Variants in CDH8 observed in about 807,000 individuals in gnomAD.
The protein encoded by CDH8 is cadherin-8.
CDH8 carries 17 observed loss-of-function variants against 68.1 expected under a neutral mutation model. The observed-to-expected ratio is 0.25, with a 90% CI of 0.17 to 0.37. The LOEUF is 0.37. Ranked by LOEUF, CDH8 falls within the 10% of genes least tolerant of loss-of-function variation. The pLI is 1.00. For synonymous variants in CDH8, 372 were observed against 365.1 expected (o/e 1.02, Z -0.21); for missense variants, 763 against 999.3 (o/e 0.76, Z 3.19).
chr16:61,836,988 G>A (rs1190200405), intron 4 of CDH8, among the ~76,000 whole-genome samples: 1 of 151,920 alleles, frequency 6.6e-6, no homozygotes, highest in African/African-American at 2.4e-5. Context: ...TTCCTTTCAA[G>A]CCAATACCCT....
At chr16:61,926,424 T>A (rs1440018889) in intron 2 of CDH8, among the ~76,000 whole-genome samples, 1 of 152,200 alleles carries the variant, frequency 6.6e-6, no homozygotes, top group African/African-American at 2.4e-5. Flanking sequence ...CAGTTTTTCT[T>A]CCTGTCTTTG....
intron 2 of CDH8, among the ~76,000 whole-genome samples, chr16:62,006,188 G>T (rs562847104): frequency 3.9e-5 from 6 of 152,180 alleles, no homozygotes; most frequent in African/African-American, 1.4e-4. Context: ...TGGCCTTCTG[G>T]GTTATTGGGA....
chr16:61,808,170 A>C (rs1961841579), intron 7 of CDH8, among the ~76,000 whole-genome samples: 1 of 152,184 alleles, frequency 6.6e-6, no homozygotes, highest in African/African-American at 2.4e-5. Context: ...ATCTATTCTA[A>C]GTCAGTTTCT....
intron 10 of CDH8, among the ~76,000 whole-genome samples, chr16:61,704,417 T>A (rs569152482): frequency 6.1e-4 from 93 of 152,316 alleles, no homozygotes; most frequent in African/African-American, 2.1e-3. Context: ...CCAAAGATAC[T>A]GAGAAAGAAA....
intron 10 of CDH8, chr16:61,693,842 T>C (rs1439230991): frequency 1.3e-5 from 2 of 152,162 alleles, no homozygotes; most frequent in Non-Finnish European, 2.9e-5. Context: ...CTACTATATA[T>C]GGACCAACTT....
chr16:61,954,700 CA>C (rs35839753), intron 2 of CDH8, among the ~76,000 whole-genome samples: 8,035 of 68,168 alleles, frequency 0.12, 164 homozygotes, highest in Admixed American at 0.17. Context: ...GACTCCATCT[CA>C]AAAAAAAAAA....
At chr16:61,745,203 CTTT>C (rs1324144092) in intron 8 of CDH8, among the ~76,000 whole-genome samples, 1 of 151,130 alleles carries the variant, frequency 6.6e-6, no homozygotes, top group Non-Finnish European at 1.5e-5. Flanking sequence ...AAATGACATT[CTTT>C]GTCTCTGCCT....
chr16:61,749,007 G>A (rs1398618456), intron 8 of CDH8, among the ~76,000 whole-genome samples: 1 of 152,034 alleles, frequency 6.6e-6, no homozygotes, highest in African/African-American at 2.4e-5. Context: ...CTTCTCTGAA[G>A]GTAACAAATG....
In CDH8 at chr16:61,960,249, GTA is replaced by G. The variant is rs1405328062; in HGVS notation, c.253-58778_253-58777del. 3.4e-5 allele frequency among the ~76,000 whole-genome samples: 3 copies of G among 88,718 alleles called. 1 individual carries two copies. The highest frequency in any genetic ancestry group is 7.6e-5 in the African/African-American group (1 of 13,174). 58.2% of individuals were successfully genotyped at this position (88,718 alleles called of 152,430 possible). Reference sequence around the variant, plus strand: ...TACACACATATATACATGTGTGTGTGTATACACATACATATATACGTGTGTGT... The same window carrying G: ...TACACACATATATACATGTGTGTGTGTACACATACATATATACGTGTGTGT... On this transcript the variant is annotated intron_variant, in intron 2 of 11. Coordinates refer to ENST00000577390, the MANE Select transcript of CDH8 (RefSeq NM_001796.5).
intron 7 of CDH8, among the ~76,000 whole-genome samples, chr16:61,813,499 G>T (rs548138546): frequency 4.5e-4 from 69 of 152,276 alleles, no homozygotes; most frequent in African/African-American, 1.7e-3. Flanking sequence ...AGATGCTCTT[G>T]TGCAGATGAG....
intron 2 of CDH8, among the ~76,000 whole-genome samples, chr16:61,966,681 TTCAAATCAAAATTAAA>T (rs1236696952): frequency 1.1e-4 from 17 of 152,204 alleles, no homozygotes; most frequent in Admixed American, 9.2e-4. Context: ...AATACATTGC[TTCAAATCAAAATTAAA>T]TCAAATCAAA....
intron 8 of CDH8, among the ~76,000 whole-genome samples, chr16:61,731,472 G>A (rs569219413): frequency 6.6e-6 from 1 of 151,804 alleles, no homozygotes; most frequent in African/African-American, 2.4e-5. Context: ...GATGTGGTCA[G>A]GGACAGAGAC....
At position 61,660,870 on chromosome 16, in the gene CDH8, A is replaced by C. The variant is rs1158970923; in HGVS notation, c.1655-5149T>G. ...GAAATAAAGATATTCTCGGATGGAC[A>C]AAAAAATGAGAGAATTTGTCACCAG... On this transcript the variant is annotated intron_variant, in intron 10 of 11. Coordinates refer to ENST00000577390, the MANE Select transcript of CDH8 (RefSeq NM_001796.5). Among the ~76,000 whole-genome samples, 5 of 152,074 alleles carry C rather than the reference A, an allele frequency of 3.3e-5. No individual in the cohort carries two copies. In the East Asian group the frequency reaches 9.6e-4, roughly 29 times the overall value.
chr16:61,922,277 C>T (rs1216584666), intron 2 of CDH8, among the ~76,000 whole-genome samples: 1 of 152,098 alleles, frequency 6.6e-6, no homozygotes, highest in Non-Finnish European at 1.5e-5. Flanking sequence ...AGCATGCACT[C>T]CTAAATATTT....
At chr16:61,763,702 G>A (rs746487078) in intron 8 of CDH8, among the ~76,000 whole-genome samples, 1 of 152,084 alleles carries the variant, frequency 6.6e-6, no homozygotes, top group East Asian at 1.9e-4. Context: ...CAGGAAAATA[G>A]CACAATTCAC....
intron 2 of CDH8, among the ~76,000 whole-genome samples, chr16:61,906,234 T>G (rs995649778): frequency 2.0e-5 from 3 of 152,252 alleles, no homozygotes; most frequent in East Asian, 1.9e-4. Flanking sequence ...TGGTGTGTGC[T>G]TACAAGCAAA....
chr16:61,867,071 A>T (rs1208730736), intron 3 of CDH8, among the ~76,000 whole-genome samples: 2 of 152,162 alleles, frequency 1.3e-5, no homozygotes, highest in Non-Finnish European at 2.9e-5. Flanking sequence ...TTCAAATGTG[A>T]CAAAGTGAAA....
intron 8 of CDH8, among the ~76,000 whole-genome samples, chr16:61,734,438 TCCTACTC>T (rs1196579558): frequency 6.6e-6 from 1 of 152,122 alleles, no homozygotes; most frequent in Non-Finnish European, 1.5e-5. Context: ...TATGTTCACC[TCCTACTC>T]CCTTTCTAGG....
At chr16:61,769,288 T>C (rs1960717816) in intron 8 of CDH8, among the ~76,000 whole-genome samples, 1 of 151,904 alleles carries the variant, frequency 6.6e-6, no homozygotes. Context: ...TGTTGCCCCA[T>C]TCTCCCCCAA....
Sources: allele counts gnomAD v4.1 joint callset (sites outside exome capture counted in the v4.1 genomes callset), GRCh38; gene constraint gnomAD v4.1.1; transcripts MANE v1.5; gene names NCBI Gene and HGNC (gene_info 2026-07-23, HGNC 2026-07-21).